Variants in NLRP11 observed in about 807,000 individuals in gnomAD.
The protein encoded by NLRP11 is NACHT, LRR and PYD domains-containing protein 11.
Under a neutral mutation model 79.3 loss-of-function variants are expected in NLRP11, and 53 were observed. That is an observed-to-expected ratio of 0.67 (90% CI 0.54 to 0.84). The LOEUF (loss-of-function observed/expected upper bound fraction) is 0.84. Ranked by LOEUF, NLRP11 falls within the 40% of genes least tolerant of loss-of-function variation. The pLI is 0.00. For missense variants in NLRP11, 1,264 were observed against 1,255.0 expected (o/e 1.01, Z -0.11); for synonymous variants, 518 against 462.6 (o/e 1.12, Z -1.54).
intron 4 of NLRP11, among the ~76,000 whole-genome samples, chr19:55,806,852 C>G (rs1980047189): frequency 6.6e-6 from 1 of 152,100 alleles, no homozygotes; most frequent in Admixed American, 6.5e-5. Context: ...GCCTTTGTTT[C>G]ATGGATCCCT....
At chr19:55,805,535 TTTG>T (rs1163632863) in intron 4 of NLRP11, among the ~76,000 whole-genome samples, 3 of 130,194 alleles carry the variant, frequency 2.3e-5, no homozygotes, top group African/African-American at 1.2e-4. Flanking sequence ...TGTTTAAGGT[TTTG>T]TTTTTTTTTT....
chr19:55,788,756 A>T, intron 9 of NLRP11, 51 bp downstream of exon 9: 1 of 1,136,772 alleles, frequency 8.8e-7, no homozygotes, highest in East Asian at 2.8e-5. Context: ...AAAAAAAAAA[A>T]AAAAAAAAAA....
At position 55,785,653 on chromosome 19, in the gene NLRP11, G is replaced by A. The variant is rs11671248; in HGVS notation, c.3074C>T (p.Ser1025Leu). Residue 1025 changes from serine to leucine, a missense_variant, in exon 10 of 10, where the codon TCA becomes TTA. Transcript: ENST00000589093. ...AAGGGGTTGCCTAGATGCTGTATTT[G>A]ACGTTCTCATGGCTGCAGACATTCT... 13,702 of 1,613,840 alleles carry A rather than the reference G, an allele frequency of 8.5e-3. 79 individuals are homozygous for A. Among genetic ancestry groups the A allele is most frequent in the Non-Finnish European group, 0.01 (12,104 of 1,179,780 alleles).
chr19:55,804,561 A>G (rs1362816307), intron 4 of NLRP11, among the ~76,000 whole-genome samples: 2 of 152,060 alleles, frequency 1.3e-5, no homozygotes, highest in Admixed American at 6.6e-5. Flanking sequence ...AATGATGAGA[A>G]CTCATGGACC....
At chr19:55,831,558 T>C (rs1600209902) in intron 1 of NLRP11, among the ~76,000 whole-genome samples, 4 of 152,148 alleles carry the variant, frequency 2.6e-5, no homozygotes. Context: ...CGAGACTCCG[T>C]CTCAAAATAA....
At position 55,819,180 on chromosome 19, in the gene NLRP11, C is replaced by CAG. The variant is rs1981444921; in HGVS notation, c.-62-945_-62-944insCT. The stretch of plus-strand genomic sequence containing the variant: ...ACACACACACACACACACACACACA[C>CAG]ACACACACAGGTTGCCTCTTCAATT... On this transcript the variant is annotated intron_variant, in intron 1 of 9. Coordinates refer to ENST00000589093, the Ensembl canonical transcript of NLRP11. 3.9e-5 allele frequency among the ~76,000 whole-genome samples: 5 copies of CAG among 126,952 alleles called. No individual in the cohort carries two copies. The South Asian group carries it at 1.3e-3, about 32-fold the overall frequency. The allele number at this position is 126,952 out of a possible 152,430, so 83.3% of individuals were successfully genotyped here.
chr19:55,833,557 A>C (rs1422858189), upstream of NLRP11, among the ~76,000 whole-genome samples: 1 of 151,964 alleles, frequency 6.6e-6, no homozygotes, highest in East Asian at 1.9e-4. Flanking sequence ...GAAGGTCAGA[A>C]GATCGAGACC....
At chr19:55,818,150 A>T in exon 2 of NLRP11, 1 of 1,613,698 alleles carries the variant, frequency 6.2e-7, no homozygotes, top group Non-Finnish European at 8.5e-7. Flanking sequence ...AGCAGGTCAA[A>T]GTCAGTAGAA....
At chr19:55,830,190 C>G (rs966075166) in intron 1 of NLRP11, among the ~76,000 whole-genome samples, 1 of 152,086 alleles carries the variant, frequency 6.6e-6, no homozygotes. Flanking sequence ...TAAGTGAACA[C>G]AAGTAGATTA....
chr19:55,833,334 T>C (rs963035065), upstream of NLRP11, among the ~76,000 whole-genome samples: 4 of 151,662 alleles, frequency 2.6e-5, no homozygotes, highest in African/African-American at 9.7e-5. Flanking sequence ...AAAATATAAT[T>C]CTGAAATGTA....
chr19:55,798,153 T>G (rs1040243231), intron 5 of NLRP11: 2 of 159,900 alleles, frequency 1.3e-5, no homozygotes, highest in African/African-American at 4.8e-5. Flanking sequence ...GCATGCGCCA[T>G]CATACTTGGA....
intron 2 of NLRP11, among the ~76,000 whole-genome samples, chr19:55,815,297 G>C (rs1980995320): frequency 6.6e-6 from 1 of 152,124 alleles, no homozygotes; most frequent in African/African-American, 2.4e-5. Flanking sequence ...GGGAGGCCGA[G>C]GCGGGCGGAT....
At chr19:55,827,453 G>C (rs1207516806) in intron 1 of NLRP11, among the ~76,000 whole-genome samples, 1 of 150,694 alleles carries the variant, frequency 6.6e-6, no homozygotes, top group Admixed American at 6.6e-5. Context: ...CACAGCAAAA[G>C]AAACTACCAT....
intron 1 of NLRP11, among the ~76,000 whole-genome samples, chr19:55,822,006 C>A (rs1170473393): frequency 6.6e-6 from 1 of 152,196 alleles, no homozygotes; most frequent in Non-Finnish European, 1.5e-5. Context: ...CGCCTGTAAT[C>A]CCAGCACTTT....
intron 9 of NLRP11, 116 bp from the exon 10 acceptor site, chr19:55,785,987 G>GAATA: frequency 8.8e-7 from 1 of 1,138,538 alleles, no homozygotes; most frequent in Non-Finnish European, 1.2e-6. Context: ...AGTATCTCAA[G>GAATA]CCATCTCTGA....
chr19:55,789,015 C>T, intron 8 of NLRP11, 38 bp from the exon 9 acceptor site: 1 of 1,609,536 alleles, frequency 6.2e-7, no homozygotes, highest in Admixed American at 1.7e-5. Context: ...GGGCCAAATC[C>T]TTGAGGAAAA....
chr19:55,801,506 C>T, intron 5 of NLRP11, 66 bp downstream of exon 5: 4 of 1,324,036 alleles, frequency 3.0e-6, no homozygotes, highest in South Asian at 1.3e-5. Flanking sequence ...GAAGGGGCAC[C>T]TCTATCCACC....
At chr19:55,810,486 G>T in intron 2 of NLRP11, 148 bp from the exon 3 acceptor site, 1 of 697,090 alleles carries the variant, frequency 1.4e-6, no homozygotes, top group South Asian at 2.0e-5. Flanking sequence ...TAGGTACAAA[G>T]ATATTTACCA....
At chr19:55,833,487 C>T (rs189236028), upstream of NLRP11, among the ~76,000 whole-genome samples, 629 of 151,924 alleles carry the variant, frequency 4.1e-3, 3 homozygotes, top group South Asian at 0.011. Flanking sequence ...ATTGGTTGGC[C>T]GGGGGCGGTG....
Sources: gnomAD v4.1 joint callset for allele counts (sites outside exome capture counted in the v4.1 genomes callset) on GRCh38, gnomAD v4.1.1 for gene constraint, MANE v1.5 for transcripts, NCBI Gene and HGNC (gene_info 2026-07-23, HGNC 2026-07-21) for gene names.